Variants in DDX41 observed in about 807,000 individuals in gnomAD.
The protein encoded by DDX41 is probable ATP-dependent RNA helicase DDX41.
A neutral mutation model predicts 78.8 loss-of-function variants in DDX41; 50 were observed. The observed-to-expected ratio is 0.63, with a 90% confidence interval of 0.51 to 0.80. The LOEUF (loss-of-function observed/expected upper bound fraction) is 0.80, where lower values mean the gene tolerates loss of function less well. Ranked by LOEUF, DDX41 falls within the 30% of genes least tolerant of loss-of-function variation. The pLI is 0.00. For missense variants in DDX41, 633 were observed against 849.2 expected (o/e 0.75, Z 3.16); for synonymous variants, 381 against 321.5 (o/e 1.19, Z -1.98).
chr5:177,515,102 C>T (rs1490443378), intron 7 of DDX41, 33 bp from the exon 8 acceptor site: 1 of 1,611,786 alleles, frequency 6.2e-7, no homozygotes, highest in African/African-American at 1.3e-5. Context: ...GGGCCAATTT[C>T]AACAGAAGAT....
At position 177,513,353 on chromosome 5, in the gene DDX41, C is replaced by A. The variant is rs1290351850; in HGVS notation, c.1230G>T (p.Gln410His). 1 of 1,614,114 alleles carries A rather than the reference C, an allele frequency of 6.2e-7. No individual in the cohort carries two copies. The highest frequency in any genetic ancestry group is 8.5e-7 in the Non-Finnish European group (1 of 1,180,032). Residue 410 changes from glutamine (Q) to histidine (H), a missense_variant and splice_region_variant, in exon 11 of 17, where the codon CAG becomes CAT. Gln to His is a conservative substitution (Grantham distance 24). Transcript: ENST00000330503. This position sits in a 1 kb window ranked among gnomAD's most constrained non-coding sequence, Gnocchi z 4.6. ...CCGCCCATCAGGAGCACCTGCCCAC[C>A]TGGATGACATCCAGGCTGGCAGCCC... is the stretch of plus-strand genomic sequence containing the variant. ...RAGAASLDVI[Q>H]EVEYVKEEAK...
Position 177,515,042 on chromosome 5 carries a change from G to T in DDX41, c.672C>A (p.Ile224=), listed in dbSNP as rs367840907. The change falls in exon 8 of 17, where the codon ATC becomes ATA. Residue 224 remains isoleucine, a synonymous_variant. Transcript: ENST00000330503. Reference sequence around the variant, plus strand: ...GTGTCTTGCCTGAACCCGTGAAAGCGATGCCTATCATGTCACGGCCAGATA... The same window carrying T: ...GTGTCTTGCCTGAACCCGTGAAAGCTATGCCTATCATGTCACGGCCAGATA... ...TILSGRDMIG[I]AFTGSGKTLV... The T allele has an allele frequency of 6.2e-7, 1 of 1,613,292 alleles. No homozygotes were observed. The highest frequency in any genetic ancestry group is 8.5e-7 in the Non-Finnish European group (1 of 1,179,368).
chr5:177,514,307 C>T lies in DDX41; in HGVS notation c.935+394G>A, dbSNP rs965581646. The T allele has an allele frequency of 3.1e-5, 15 of 483,264 alleles. No individual in the cohort carries two copies. The East Asian group carries it at 6.9e-4, about 22-fold the overall frequency. 29.9% of individuals were successfully genotyped at this position (483,264 alleles called of 1,614,324 possible). On this transcript the variant is annotated intron_variant, in intron 9 of 16. Transcript: ENST00000330503. The surrounding 1 kb of genome is among the most constrained non-coding windows in gnomAD (Gnocchi z 4.2). ...CACAGCACTGAAAGGACACAGGTGC[C>T]GCTGGGATCCAGCCCTACCCCAGTG...
chr5:177,516,727 G>C lies in DDX41; in HGVS notation c.136C>G (p.Leu46Val). Residue 46 changes from leucine to valine, a missense_variant and splice_region_variant, in exon 2 of 17, where the codon CTG (leucine) becomes GTG (valine). Coordinates refer to ENST00000330503, the MANE Select transcript of DDX41 (RefSeq NM_016222.4). ...YVPLRQRRQL[L>V]LQKLLQRRRK... ...CTCCCCGGACGCGTGCCCCTCACCAGTAGCTGCCGGCGCTGCCGTAACGGC... is the reference window on the plus strand; with the variant it reads ...CTCCCCGGACGCGTGCCCCTCACCACTAGCTGCCGGCGCTGCCGTAACGGC... 1 of 1,597,560 alleles carries C rather than the reference G, an allele frequency of 6.3e-7. No homozygotes were observed. The highest frequency in any genetic ancestry group is 8.5e-7 in the Non-Finnish European group (1 of 1,172,656).
At chr5:177,516,525 C>A in intron 2 of DDX41, 78 bp from the exon 3 acceptor site, 1 of 1,571,132 alleles carries the variant, frequency 6.4e-7, no homozygotes, top group Non-Finnish European at 8.7e-7. Context: ...GGCTTTGGGG[C>A]GAGGATCCTG....
rs1274064928 is a variant in DDX41 at position 177,514,190 on chromosome 5, G to A, written c.936-343C>T. ...GTGCTCACCATCTCCCTAATACTCA[G>A]AAGTCCGTGGAGGAAGGCCTCCGGG... On this transcript the variant is annotated intron_variant, in intron 9 of 16. Transcript: ENST00000330503. The surrounding 1 kb of genome is among the most constrained non-coding windows in gnomAD (Gnocchi z 4.2). 1.9e-6 allele frequency: 1 copy of A among 513,686 alleles called. No homozygotes were observed. The highest frequency in any genetic ancestry group is 2.3e-5 in the Admixed American group (1 of 44,148). 31.8% of individuals were successfully genotyped at this position (513,686 alleles called of 1,614,324 possible).
intron 13 of DDX41, 66 bp downstream of exon 13, chr5:177,512,714 G>A (rs1202739875): frequency 1.2e-6 from 2 of 1,613,184 alleles, no homozygotes; most frequent in Non-Finnish European, 1.7e-6. Context: ...AACCAGGCAG[G>A]GGAAGGCATT....
At position 177,516,657 on chromosome 5, in the gene DDX41, G is replaced by A. The variant is rs1052859193; in HGVS notation, c.138+68C>T. On this transcript the variant is annotated intron_variant, in intron 2 of 16. Transcript: ENST00000330503. ...GACTGCCCTCCTCCCCACGGAGGCC[G>A]AGGCCACGCCCGCCCCCTGCGACCC... 5 of 1,506,196 alleles carry A rather than the reference G, an allele frequency of 3.3e-6. No individual in the cohort carries two copies. The Admixed American group carries it at 5.9e-5, about 18-fold the overall frequency. 93.3% of individuals were successfully genotyped at this position (1,506,196 alleles called of 1,614,324 possible).
chr5:177,515,958 G>A lies in DDX41; in HGVS notation c.405C>T (p.Gly135=). The stretch of plus-strand genomic sequence containing the variant: ...TTTTGATGGGGTCATCATACGTAAT[G>A]CCCTTAGCCATCTCCTTCACTGACA... ...ALMSVKEMAK[G]ITYDDPIKTS... The change falls in exon 5 of 17, where the codon GGC becomes GGT. Residue 135 remains glycine, a synonymous_variant. Coordinates refer to ENST00000330503, the MANE Select transcript of DDX41 (RefSeq NM_016222.4). 2 of 1,614,182 alleles carry A rather than the reference G, an allele frequency of 1.2e-6. No individual in the cohort carries two copies. Among genetic ancestry groups the A allele is most frequent in the Non-Finnish European group, 1.7e-6 (2 of 1,180,028 alleles).
At position 177,512,337 on chromosome 5, in the gene DDX41, TGAAG is replaced by T. The variant is rs778426922; in HGVS notation, c.1602_1605del (p.Phe535SerfsTer10). The T allele has an allele frequency of 1.9e-6, 3 of 1,613,858 alleles. No individual in the cohort carries two copies. Among genetic ancestry groups the T allele is most frequent in the Non-Finnish European group, 2.5e-6 (3 of 1,179,954 alleles). Reference sequence around the variant, plus strand: ...ACAGACTCACCACACGCTTTGTTGATGAAGGTAGTGGCGATGCCTGTGTTTCCCG... The same window carrying T: ...ACAGACTCACCACACGCTTTGTTGATGTAGTGGCGATGCCTGTGTTTCCCG... On this transcript the variant is annotated frameshift_variant, in exon 15 of 17. Coordinates refer to ENST00000330503, the MANE Select transcript of DDX41 (RefSeq NM_016222.4). LOFTEE classifies it high-confidence loss of function.
In DDX41 at chr5:177,516,156, T is replaced by C; in HGVS notation, c.336A>G (p.Glu112=). The C allele has an allele frequency of 6.2e-7, 1 of 1,614,048 alleles. No individual in the cohort carries two copies. Among genetic ancestry groups the C allele is most frequent in the Non-Finnish European group, 8.5e-7 (1 of 1,180,032 alleles). The change falls in exon 4 of 17, where the codon GAA becomes GAG. Residue 112 remains glutamate (E), a synonymous_variant. Transcript: ENST00000330503. ...CAACACTCTCCAGGATCTTCTCTTCTTCCTTCAGCTGCTTCTCCTTGGCAG... is the reference window on the plus strand; with the variant it reads ...CAACACTCTCCAGGATCTTCTCTTCCTCCTTCAGCTGCTTCTCCTTGGCAG... ...KESAKEKQLK[E]EEKILESVAE...
At position 177,516,276 on chromosome 5, in the gene DDX41, T is replaced by C; in HGVS notation, c.298+12A>G. ...TTCTTCTTTCTCGCCCAGGCAGTGCTGCCCAGCCCACCTTCAGCCTTCTCT... is the reference window on the plus strand; with the variant it reads ...TTCTTCTTTCTCGCCCAGGCAGTGCCGCCCAGCCCACCTTCAGCCTTCTCT... On this transcript the variant is annotated intron_variant, in intron 3 of 16. Transcript: ENST00000330503. 1.2e-6 allele frequency: 2 copies of C among 1,614,146 alleles called. No homozygotes were observed. Among genetic ancestry groups the C allele is most frequent in the Admixed American group, 1.7e-5 (1 of 60,028 alleles).
Position 177,514,570 on chromosome 5 carries a change from G to A in DDX41, c.935+131C>T, listed in dbSNP as rs1278257183. On this transcript the variant is annotated intron_variant, in intron 9 of 16. Coordinates refer to ENST00000330503, the MANE Select transcript of DDX41 (RefSeq NM_016222.4). The surrounding 1 kb of genome is among the most constrained non-coding windows in gnomAD (Gnocchi z 4.2). ...CCAACTAACCTCCCCATTAGACTGG[G>A]AGCTCCTTGAGGGTCGCACTCACAG... The A allele has an allele frequency of 9.3e-6, 12 of 1,287,320 alleles. No individual in the cohort carries two copies. Among genetic ancestry groups the A allele is most frequent in the African/African-American group, 1.5e-5 (1 of 67,528 alleles). The allele number at this position is 1,287,320 out of a possible 1,614,324, so 79.7% of individuals were successfully genotyped here.
At position 177,513,265 on chromosome 5, in the gene DDX41, T is replaced by C; in HGVS notation, c.1230+88A>G. 2 of 1,587,100 alleles carry C rather than the reference T, an allele frequency of 1.3e-6. No individual in the cohort carries two copies. Among genetic ancestry groups the C allele is most frequent in the Non-Finnish European group, 1.7e-6 (2 of 1,163,810 alleles). On this transcript the variant is annotated intron_variant, in intron 11 of 16. Coordinates refer to ENST00000330503, the MANE Select transcript of DDX41 (RefSeq NM_016222.4). This position sits in a 1 kb window ranked among gnomAD's most constrained non-coding sequence, Gnocchi z 4.6. ...AATGAAACCCCCGGTTCCCACAAGG[T>C]GGACCCCCGGCTCCAATCAGCTTCA...
Position 177,512,798 on chromosome 5 carries a change from C to A in DDX41, c.1381G>T (p.Ala461Ser). 1 of 1,614,150 alleles carries A rather than the reference C, an allele frequency of 6.2e-7. No individual in the cohort carries two copies. The highest frequency in any genetic ancestry group is 8.5e-7 in the Non-Finnish European group (1 of 1,180,020). ...CCCTGACCTTTGCCCCCATGGATGG[C>A]TACGGCCTCAACCCCCTTGAGCAGC... is the stretch of plus-strand genomic sequence containing the variant. ...YLLLKGVEAVAIHGGKDQEER... is the reference protein window; with the variant it reads ...YLLLKGVEAVSIHGGKDQEER... The change falls in exon 13 of 17, where the codon GCC becomes TCC. Residue 461 changes from alanine (A) to serine (S), a missense_variant. Transcript: ENST00000330503.
At chr5:177,516,564 T>G in intron 2 of DDX41, 117 bp from the exon 3 acceptor site, 1 of 1,435,052 alleles carries the variant, frequency 7.0e-7, no homozygotes, top group Non-Finnish European at 9.6e-7. Context: ...GCCCTACCCC[T>G]CAGATCAAGC....
At position 177,514,017 on chromosome 5, in the gene DDX41, C is replaced by A. The variant is rs1761107315; in HGVS notation, c.936-170G>T. On this transcript the variant is annotated intron_variant, in intron 9 of 16. Coordinates refer to ENST00000330503, the MANE Select transcript of DDX41 (RefSeq NM_016222.4). The surrounding 1 kb of genome is among the most constrained non-coding windows in gnomAD (Gnocchi z 4.2). ...CTATGTATAGCACACAGCTCTTTCC[C>A]AAGGCACTGCAGCCATCTTCACCAC... is the stretch of plus-strand genomic sequence containing the variant. Among the ~76,000 whole-genome samples the A allele has an allele frequency of 6.6e-6, 1 of 152,206 alleles. No individual in the cohort carries two copies. The highest frequency in any genetic ancestry group is 1.5e-5 in the Non-Finnish European group (1 of 68,022).
At chr5:177,516,896 G>A in intron 1 of DDX41, 23 bp downstream of exon 1, 3 of 1,613,302 alleles carry the variant, frequency 1.9e-6, no homozygotes, top group Non-Finnish European at 2.5e-6. Flanking sequence ...TCCCACACGC[G>A]CGGGGTCTCG....
Position 177,516,761 on chromosome 5 carries a change from C to T in DDX41, c.102G>A (p.Val34=), listed in dbSNP as rs1286197689. Residue 34 remains valine, a synonymous_variant, in exon 2 of 17, where the codon GTG becomes GTA. Transcript: ENST00000330503. ...EAEDEDDEDY[V]PYVPLRQRRQ... is the part of the protein sequence containing the mutation. ...GGCGCTGCCGTAACGGCACATAGGGCACGTAGTCCTCGTCGTCCTCATCTT... is the reference window on the plus strand; with the variant it reads ...GGCGCTGCCGTAACGGCACATAGGGTACGTAGTCCTCGTCGTCCTCATCTT... The T allele has an allele frequency of 6.2e-6, 10 of 1,611,422 alleles. No individual in the cohort carries two copies. Among genetic ancestry groups the T allele is most frequent in the South Asian group, 2.2e-5 (2 of 90,806 alleles).
Sources: allele counts gnomAD v4.1 joint callset (sites outside exome capture counted in the v4.1 genomes callset), GRCh38; gene constraint gnomAD v4.1.1; non-coding constraint Gnocchi (gnomAD v3.1); transcripts MANE v1.5; gene names NCBI Gene and HGNC (gene_info 2026-07-23, HGNC 2026-07-21).